Variants in ARHGAP15 observed in about 807,000 individuals in gnomAD.
The protein encoded by ARHGAP15 is Rho GTPase activating protein 15, also known as rho GTPase-activating protein 15.
ARHGAP15 carries 51 observed loss-of-function variants against 63.7 expected under a neutral mutation model. The ratio of observed to expected loss-of-function variants is 0.80; its 90% CI spans 0.64 to 1.01. ARHGAP15 has a LOEUF of 1.01. ARHGAP15 is among the 50% of genes least tolerant of loss of function. ARHGAP15 has a pLI of 0.00. For missense variants in ARHGAP15, 560 were observed against 564.6 expected (o/e 0.99, Z 0.08); for synonymous variants, 191 against 193.8 (o/e 0.99, Z 0.12).
intron 2 of ARHGAP15, among the ~76,000 whole-genome samples, chr2:143,165,774 A>T (rs1007492364): frequency 6.6e-6 from 1 of 151,990 alleles, no homozygotes; most frequent in Non-Finnish European, 1.5e-5. Context: ...GGTCTTACCT[A>T]TTGATTACAG....
intron 6 of ARHGAP15, among the ~76,000 whole-genome samples, chr2:143,430,174 T>C (rs921160046): frequency 7.0e-5 from 9 of 129,482 alleles, no homozygotes; most frequent in African/African-American, 2.5e-4. Flanking sequence ...GTTGCCAAAG[T>C]AACTTTTTTT....
intron 13 of ARHGAP15, among the ~76,000 whole-genome samples, chr2:143,724,021 A>G (rs1220450124): frequency 6.6e-6 from 1 of 151,546 alleles, no homozygotes; most frequent in Non-Finnish European, 1.5e-5. Flanking sequence ...TCACCTTATC[A>G]TAGAAATAAT....
chr2:143,330,174 GA>G (rs143392568), intron 6 of ARHGAP15, among the ~76,000 whole-genome samples: 6,427 of 137,028 alleles, frequency 0.047, 522 homozygotes, highest in Admixed American at 0.2. Context: ...ATTTCAGGGG[GA>G]AAATTGGCAT....
Position 143,479,783 on chromosome 2 carries a change from C to T in ARHGAP15, c.704-7590C>T, listed in dbSNP as rs1370395259. Among the ~76,000 whole-genome samples the T allele has an allele frequency of 2.0e-5, 3 of 151,862 alleles. No homozygotes were observed. In the East Asian group the frequency reaches 5.8e-4, roughly 29 times the overall value. ...GGAAAAAAAAAATGTCATTGTGTTTCTCTACATACAAGATAGGTTTTGCTG... is the reference window on the plus strand; with the variant it reads ...GGAAAAAAAAAATGTCATTGTGTTTTTCTACATACAAGATAGGTTTTGCTG... On this transcript the variant is annotated intron_variant, in intron 8 of 13. Coordinates refer to ENST00000295095, the MANE Select transcript of ARHGAP15 (RefSeq NM_018460.4).
chr2:143,379,498 T>TGTGTGTGTGTGTGA, intron 6 of ARHGAP15, among the ~76,000 whole-genome samples: 1 of 147,600 alleles, frequency 6.8e-6, no homozygotes, highest in Non-Finnish European at 1.5e-5. Flanking sequence ...TGTGTGTGTG[T>TGTGTGTGTGTGTGA]GTGTGTGTGT....
intron 1 of ARHGAP15, among the ~76,000 whole-genome samples, chr2:143,137,493 T>C (rs1689194453): frequency 6.6e-6 from 1 of 152,038 alleles, no homozygotes. Context: ...GTACTATATA[T>C]ATGGTACAGT....
At chr2:143,137,043 C>A (rs138448100) in intron 1 of ARHGAP15, among the ~76,000 whole-genome samples, 1 of 152,050 alleles carries the variant, frequency 6.6e-6, no homozygotes, top group Non-Finnish European at 1.5e-5. Context: ...TTTAAGAGTT[C>A]AACCATGCAA....
intron 12 of ARHGAP15, among the ~76,000 whole-genome samples, chr2:143,693,330 G>A (rs1002448796): frequency 2.0e-5 from 3 of 152,056 alleles, no homozygotes; most frequent in South Asian, 2.1e-4. Flanking sequence ...ACAAAGTCCC[G>A]TTTGTGATCC....
At chr2:143,486,499 TG>T (rs1692331008) in intron 8 of ARHGAP15, among the ~76,000 whole-genome samples, 1 of 151,762 alleles carries the variant, frequency 6.6e-6, no homozygotes, top group African/African-American at 2.4e-5. Flanking sequence ...CCTGAAGGGT[TG>T]AGGCTGCAGT....
chr2:143,724,180 T>C (rs574222051), intron 13 of ARHGAP15, among the ~76,000 whole-genome samples: 78 of 152,222 alleles, frequency 5.1e-4, no homozygotes, highest in Non-Finnish European at 9.9e-4. Context: ...GATCTTACAT[T>C]AAATCCAGTA....
chr2:143,335,127 G>A (rs1007050820), intron 6 of ARHGAP15, among the ~76,000 whole-genome samples: 13 of 152,172 alleles, frequency 8.5e-5, no homozygotes, highest in Non-Finnish European at 1.5e-4. Flanking sequence ...CTGGAATTCA[G>A]TGTTCCCAAA....
At chr2:143,744,647 G>A (rs1160143510) in intron 13 of ARHGAP15, among the ~76,000 whole-genome samples, 1 of 152,166 alleles carries the variant, frequency 6.6e-6, no homozygotes, top group East Asian at 1.9e-4. Context: ...CCTTTATTCA[G>A]CATCCTTGTA....
intron 6 of ARHGAP15, among the ~76,000 whole-genome samples, chr2:143,305,776 C>T (rs1222700005): frequency 1.3e-5 from 2 of 152,008 alleles, no homozygotes; most frequent in African/African-American, 4.8e-5. Flanking sequence ...TAAAGTGAAG[C>T]AAGTAGCATG....
At chr2:143,396,351 T>A (rs1018483484) in intron 6 of ARHGAP15, among the ~76,000 whole-genome samples, 39 of 152,084 alleles carry the variant, frequency 2.6e-4, no homozygotes, top group Non-Finnish European at 5.9e-5. Context: ...AACCATAGCA[T>A]CTTCTCTGTG....
intron 4 of ARHGAP15, among the ~76,000 whole-genome samples, chr2:143,224,182 A>G (rs144875782): frequency 1.1e-3 from 167 of 152,334 alleles, no homozygotes; most frequent in African/African-American, 3.9e-3. Flanking sequence ...GGTATTGGAC[A>G]CTAGAAGCAT....
At position 143,487,349 on chromosome 2, in the gene ARHGAP15, C is replaced by T. The variant is rs201306137; in HGVS notation, c.704-24C>T. ...TCATAAAGGAGAAATTTACCAAAAG[C>T]CTCTGATTTTTTTAAATCTTCAGTG... On this transcript the variant is annotated intron_variant, in intron 8 of 13. Coordinates refer to ENST00000295095, the MANE Select transcript of ARHGAP15 (RefSeq NM_018460.4). 9.5e-6 allele frequency: 15 copies of T among 1,583,960 alleles called. No homozygotes were observed. In the East Asian group the frequency reaches 3.2e-4, roughly 33 times the overall value.
chr2:143,183,331 A>G (rs780952349), intron 2 of ARHGAP15, among the ~76,000 whole-genome samples: 18 of 152,182 alleles, frequency 1.2e-4, no homozygotes, highest in Non-Finnish European at 2.4e-4. Context: ...CTGATTTTTC[A>G]TGACCAATGA....
At chr2:143,143,533 C>T (rs1159972286) in intron 1 of ARHGAP15, among the ~76,000 whole-genome samples, 4 of 149,716 alleles carry the variant, frequency 2.7e-5, no homozygotes, top group African/African-American at 9.8e-5. Context: ...CACCAAACTT[C>T]CTTTGGTCTT....
intron 6 of ARHGAP15, among the ~76,000 whole-genome samples, chr2:143,338,266 G>A (rs1424961260): frequency 6.6e-6 from 1 of 152,106 alleles, no homozygotes; most frequent in Non-Finnish European, 1.5e-5. Flanking sequence ...TGCCTTGAAA[G>A]TAAATAGAAA....
Sources: allele counts gnomAD v4.1 joint callset (sites outside exome capture counted in the v4.1 genomes callset), GRCh38; gene constraint gnomAD v4.1.1; transcripts MANE v1.5; gene names NCBI Gene and HGNC (gene_info 2026-07-23, HGNC 2026-07-21).